SLC39A10: variants seen among roughly 807,000 people sequenced by gnomAD.
The protein encoded by SLC39A10 is solute carrier family 39 member 10.
In SLC39A10, 13 loss-of-function variants were observed where a neutral mutation model predicts 65.1. The ratio of observed to expected loss-of-function variants is 0.20; its 90% CI spans 0.13 to 0.32. SLC39A10 has a LOEUF of 0.32. SLC39A10 is among the 10% of genes least tolerant of loss of function. SLC39A10 has a pLI of 1.00. For synonymous variants in SLC39A10, 321 were observed against 342.2 expected (o/e 0.94, Z 0.68); for missense variants, 831 against 1,018.4 (o/e 0.82, Z 2.50).
chr2:195,676,031 TTTTATG>T (rs1441264921), intron 1 of SLC39A10, among the ~76,000 whole-genome samples: 4 of 152,078 alleles, frequency 2.6e-5, no homozygotes, highest in Non-Finnish European at 5.9e-5. Context: ...TACCAACCTG[TTTTATG>T]TTCTTTTCAT....
chr2:195,662,114 T>G (rs73987252), intron 1 of SLC39A10, among the ~76,000 whole-genome samples: 2,385 of 152,300 alleles, frequency 0.016, 64 homozygotes, highest in African/African-American at 0.054. Context: ...TTATAAGAAC[T>G]GTGAACTACG....
intron 2 of SLC39A10, among the ~76,000 whole-genome samples, chr2:195,681,858 A>G (rs970171431): frequency 4.6e-5 from 7 of 152,192 alleles, no homozygotes; most frequent in African/African-American, 1.4e-4. Context: ...TGAATTAACT[A>G]TTGAGTGGTT....
At position 195,728,103 on chromosome 2, in the gene SLC39A10, G is replaced by C. The variant is rs549446224; in HGVS notation, c.2147-56G>C. 3.6e-4 allele frequency: 527 copies of C among 1,484,096 alleles called. 10 individuals are homozygous for C. The South Asian group carries it at 6.2e-3, about 18-fold the overall frequency. 91.9% of individuals were successfully genotyped at this position (1,484,096 alleles called of 1,614,324 possible). On this transcript the variant is annotated intron_variant, in intron 8 of 9. Transcript: ENST00000359634. The surrounding 1 kb of genome is among the most constrained non-coding windows in gnomAD (Gnocchi z 4.4). ...TGATTTTATTTGTTTTCTCCTTTCAGATTTGTGTTTTAAATCCTGTGGTTT... is the reference window on the plus strand; with the variant it reads ...TGATTTTATTTGTTTTCTCCTTTCACATTTGTGTTTTAAATCCTGTGGTTT...
At chr2:195,614,540 C>T (rs554191919) in intron 2 of SLC39A10, among the ~76,000 whole-genome samples, 1 of 152,220 alleles carries the variant, frequency 6.6e-6, no homozygotes, top group South Asian at 2.1e-4. Flanking sequence ...GTGTCACATA[C>T]TAAACTTTGA....
intron 7 of SLC39A10, among the ~76,000 whole-genome samples, 179 bp from the exon 8 acceptor site, chr2:195,718,073 T>A (rs544783508): frequency 3.2e-4 from 49 of 152,342 alleles, no homozygotes; most frequent in Non-Finnish European, 6.6e-4. Flanking sequence ...TTTCTCTAGT[T>A]GTTACATACT....
chr2:195,683,684 T>A lies in SLC39A10; in HGVS notation c.1009-15T>A, dbSNP rs1238107210. 6.2e-7 allele frequency: 1 copy of A among 1,601,150 alleles called. No individual in the cohort carries two copies. The highest frequency in any genetic ancestry group is 1.3e-5 in the African/African-American group (1 of 74,640). On this transcript the variant is annotated splice_polypyrimidine_tract_variant and intron_variant, in intron 2 of 9. Transcript: ENST00000359634. ...AGACACTCTTATTTAATTTGTTTTA[T>A]CACTTTCCTTGCAGTGTTTGAACGT...
At chr2:195,664,565 CAT>C (rs1390028705) in intron 1 of SLC39A10, among the ~76,000 whole-genome samples, 1 of 151,960 alleles carries the variant, frequency 6.6e-6, no homozygotes, top group Non-Finnish European at 1.5e-5. Context: ...GTGACTGAAT[CAT>C]GTTATGTAAA....
At chr2:195,718,635 A>C (rs1477184213) in intron 8 of SLC39A10, among the ~76,000 whole-genome samples, 1 of 152,152 alleles carries the variant, frequency 6.6e-6, no homozygotes, top group Non-Finnish European at 1.5e-5. Flanking sequence ...TATTTCTTAA[A>C]TGCCACATTT....
At position 195,736,744 on chromosome 2, in the gene SLC39A10, G is replaced by GAA. The variant is rs1553509252; in HGVS notation, c.*1704_*1705dup. The GAA allele has an allele frequency of 1.3e-5, 2 of 152,398 alleles. No homozygotes were observed. Among genetic ancestry groups the GAA allele is most frequent in the African/African-American group, 4.8e-5 (2 of 41,378 alleles). The allele number at this position is 152,398 out of a possible 1,614,324, so 9.4% of individuals were successfully genotyped here. ...CTCCATGGCCTCCTTATAATAAGTAGAAGTTTTATATATAATTAATTTTCA... is the reference window on the plus strand; with the variant it reads ...CTCCATGGCCTCCTTATAATAAGTAGAAAAGTTTTATATATAATTAATTTTCA... On this transcript the variant is annotated 3_prime_UTR_variant, in exon 10 of 10. Transcript: ENST00000359634.
intron 8 of SLC39A10, among the ~76,000 whole-genome samples, chr2:195,727,944 C>G (rs1217981835): frequency 6.6e-6 from 1 of 152,100 alleles, no homozygotes; most frequent in Non-Finnish European, 1.5e-5. Context: ...GATATATAAC[C>G]TTTCAGATGG....
At chr2:195,707,080 G>A (rs10165594) in intron 4 of SLC39A10, among the ~76,000 whole-genome samples, 79,806 of 151,930 alleles carry the variant, frequency 0.53, 21,523 homozygotes, top group Non-Finnish European at 0.6. Flanking sequence ...TATCAGGTTA[G>A]CCTTTAGGAG....
rs375863702 is a variant in SLC39A10 at position 195,735,460 on chromosome 2, T to C, written c.*419T>C. Reference sequence around the variant, plus strand: ...ATTTTTTGTGTGTTTTAAGAATGAATTGTAGTGCTCTTTAATTCAGCTACA... The same window carrying C: ...ATTTTTTGTGTGTTTTAAGAATGAACTGTAGTGCTCTTTAATTCAGCTACA... On this transcript the variant is annotated 3_prime_UTR_variant, in exon 10 of 10. Transcript: ENST00000359634. 1.3e-5 allele frequency: 2 copies of C among 153,280 alleles called. No homozygotes were observed. The highest frequency in any genetic ancestry group is 1.5e-5 in the Non-Finnish European group (1 of 68,532). 9.5% of individuals were successfully genotyped at this position (153,280 alleles called of 1,614,324 possible).
rs1692311638 is a variant in SLC39A10, at chr2:195,728,136, TTCCC to T, written c.2147-22_2147-19del. ...TTTTAAATCCTGTGGTTTTAAAACATTCCCATTGTTTCTTAATTGCAGGAGATTT... is the reference window on the plus strand; with the variant it reads ...TTTTAAATCCTGTGGTTTTAAAACATATTGTTTCTTAATTGCAGGAGATTT... On this transcript the variant is annotated intron_variant, in intron 8 of 9. Coordinates refer to ENST00000359634, the MANE Select transcript of SLC39A10 (RefSeq NM_020342.3). The surrounding 1 kb of genome is among the most constrained non-coding windows in gnomAD (Gnocchi z 4.4). The T allele has an allele frequency of 6.3e-7, 1 of 1,593,960 alleles. No individual in the cohort carries two copies. The highest frequency in any genetic ancestry group is 8.6e-7 in the Non-Finnish European group (1 of 1,165,966).
At chr2:195,657,896 G>C (rs1020926087) in intron 1 of SLC39A10, among the ~76,000 whole-genome samples, 1 of 152,182 alleles carries the variant, frequency 6.6e-6, no homozygotes, top group African/African-American at 2.4e-5. Flanking sequence ...GCTCCTACTA[G>C]TTTTCTCCCG....
At chr2:195,657,699 T>G in intron 1 of SLC39A10, 1 of 933,262 alleles carries the variant, frequency 1.1e-6, no homozygotes. Context: ...CGGCCGCGGA[T>G]GGCGTCGCAG....
chr2:195,665,343 G>T (rs1038921329), intron 1 of SLC39A10, among the ~76,000 whole-genome samples: 1 of 152,166 alleles, frequency 6.6e-6, no homozygotes, highest in Non-Finnish European at 1.5e-5. Flanking sequence ...AATTAGCTGG[G>T]TGTGGTGCTG....
Position 195,728,921 on chromosome 2 carries a change from A to G in SLC39A10, c.2337+572A>G, listed in dbSNP as rs1574321957. On this transcript the variant is annotated intron_variant, in intron 9 of 9. Transcript: ENST00000359634. The surrounding 1 kb of genome is among the most constrained non-coding windows in gnomAD (Gnocchi z 4.4). ...GTTTGTTTGTTTGACTAGATAGGACATTTACTTTTTTTTTTCTGGTAAGAT... is the reference window on the plus strand; with the variant it reads ...GTTTGTTTGTTTGACTAGATAGGACGTTTACTTTTTTTTTTCTGGTAAGAT... Among the ~76,000 whole-genome samples, 2 of 9,614 alleles carry G rather than the reference A, an allele frequency of 2.1e-4. No homozygotes were observed. The highest frequency in any genetic ancestry group is 8.8e-3 in the East Asian group (2 of 228). 6.3% of individuals were successfully genotyped at this position (9,614 alleles called of 152,430 possible).
At chr2:195,719,751 T>TG (rs1217745677) in intron 8 of SLC39A10, among the ~76,000 whole-genome samples, 8 of 151,538 alleles carry the variant, frequency 5.3e-5, no homozygotes, top group Admixed American at 5.3e-4. Flanking sequence ...CCCAAGTAGC[T>TG]GGGACTACAG....
In SLC39A10 at chr2:195,680,532, G is replaced by A. The variant is rs749320402; in HGVS notation, c.490G>A (p.Val164Ile). The change falls in exon 2 of 10, where the codon GTA (valine) becomes ATA (isoleucine). Residue 164 changes from valine (V) to isoleucine (I), a missense_variant. Physicochemically the swap from Val to Ile is conservative, Grantham distance 29. This residue lies in a region of SLC39A10 where 446 missense variants were observed against 499.2 expected (regional missense o/e 0.89). Coordinates refer to ENST00000359634, the MANE Select transcript of SLC39A10 (RefSeq NM_020342.3). ...DPEKETVEVSVKSDDKHMHDH... is the reference protein window; with the variant it reads ...DPEKETVEVSIKSDDKHMHDH... ...AGAGAAAGAGACAGTTGAAGTGTCT[G>A]TAAAATCTGATGATAAACATATGCA... The A allele has an allele frequency of 3.7e-6, 6 of 1,614,056 alleles. No homozygotes were observed. The highest frequency in any genetic ancestry group is 5.1e-6 in the Non-Finnish European group (6 of 1,180,038).
Sources: allele counts gnomAD v4.1 joint callset (sites outside exome capture counted in the v4.1 genomes callset), GRCh38; gene constraint gnomAD v4.1.1; regional missense constraint gnomAD v4.1.1; non-coding constraint Gnocchi (gnomAD v3.1); transcripts MANE v1.5; gene names NCBI Gene and HGNC (gene_info 2026-07-23, HGNC 2026-07-21).